Variants in IRF2BP1 observed in about 807,000 individuals in gnomAD.
IRF2BP1 encodes interferon regulatory factor 2 binding protein 1.
Under a neutral mutation model 38.6 loss-of-function variants are expected in IRF2BP1, and 9 were observed. The ratio of observed to expected loss-of-function variants is 0.23; its 90% CI spans 0.14 to 0.41. IRF2BP1 has a LOEUF of 0.41. IRF2BP1 is among the 10% of genes least tolerant of loss of function. IRF2BP1 has a pLI of 1.00. For synonymous variants in IRF2BP1, 416 were observed against 383.4 expected, an observed-to-expected ratio of 1.08 and a Z score of -0.99; for missense variants, 631 against 829.6, an observed-to-expected ratio of 0.76 and a Z score of 2.94.
rs1257726670 is a variant in IRF2BP1 at position 45,885,264 on chromosome 19, C to A, written c.511G>T (p.Val171Leu). 7 of 1,603,154 alleles carry A rather than the reference C, an allele frequency of 4.4e-6. No individual in the cohort carries two copies. The Middle Eastern group carries it at 4.9e-4, about 113-fold the overall frequency. Reference sequence around the variant, plus strand: ...AGGCCTCGGCTTCCCAGGCCAGACACTGCAGCTGCCAGCAGCCCAGGGGGC... The same window carrying A: ...AGGCCTCGGCTTCCCAGGCCAGACAATGCAGCTGCCAGCAGCCCAGGGGGC... ...LMPPGLLAAA[V>L]SGLGSRGLTL... Residue 171 changes from valine (V) to leucine (L), a missense_variant, in exon 1 of 1, where the codon GTG becomes TTG. Transcript: ENST00000302165.
In IRF2BP1 at chr19:45,884,452, G is replaced by T; in HGVS notation, c.1323C>A (p.Gly441=). 2 of 1,598,474 alleles carry T rather than the reference G, an allele frequency of 1.3e-6. No individual in the cohort carries two copies. The highest frequency in any genetic ancestry group is 1.7e-6 in the Non-Finnish European group (2 of 1,177,986). Residue 441 remains glycine, a synonymous_variant, in exon 1 of 1, where the codon GGC becomes GGA. Coordinates refer to ENST00000302165, the MANE Select transcript of IRF2BP1 (RefSeq NM_015649.3). Reference sequence around the variant, plus strand: ...CTGCACGCACAGGCCCCCCGCCTCCGCCAGGGTCCTTGGGTGAGTGGCCCA... The same window carrying T: ...CTGCACGCACAGGCCCCCCGCCTCCTCCAGGGTCCTTGGGTGAGTGGCCCA... ...EALGHSPKDP[G]GGGGPVRAGG...
chr19:45,884,077 G>T lies in IRF2BP1; in HGVS notation c.1698C>A (p.Gly566=). ...CTCCAGCAAGGATGGTGGCGATCTCGCCCTGCATGAAGGCCCAGGGCACGG... is the reference window on the plus strand; with the variant it reads ...CTCCAGCAAGGATGGTGGCGATCTCTCCCTGCATGAAGGCCCAGGGCACGG... The part of the protein sequence containing the change: ...GSSVPWAFMQ[G]EIATILAGDI... The change falls in exon 1 of 1, where the codon GGC becomes GGA. Residue 566 remains glycine (G), a synonymous_variant. Transcript: ENST00000302165. The T allele has an allele frequency of 6.2e-7, 1 of 1,609,154 alleles. No individual in the cohort carries two copies.
In IRF2BP1 at chr19:45,885,267, C is replaced by A. The variant is rs762217908; in HGVS notation, c.508G>T (p.Ala170Ser). The A allele has an allele frequency of 3.7e-6, 6 of 1,602,852 alleles. No homozygotes were observed. Among genetic ancestry groups the A allele is most frequent in the Admixed American group, 1.7e-5 (1 of 60,014 alleles). ...CCTCGGCTTCCCAGGCCAGACACTGCAGCTGCCAGCAGCCCAGGGGGCATC... is the reference window on the plus strand; with the variant it reads ...CCTCGGCTTCCCAGGCCAGACACTGAAGCTGCCAGCAGCCCAGGGGGCATC... ...GLMPPGLLAA[A>S]VSGLGSRGLT... is the part of the protein sequence containing the mutation. Residue 170 changes from alanine to serine, a missense_variant, in exon 1 of 1, where the codon GCA becomes TCA. Transcript: ENST00000302165.
rs748654735 is a variant in IRF2BP1, at chr19:45,885,396, C to A, written c.379G>T (p.Ala127Ser). The A allele has an allele frequency of 1.4e-5, 23 of 1,600,258 alleles. No homozygotes were observed. Among genetic ancestry groups the A allele is most frequent in the Admixed American group, 5.1e-5 (3 of 59,240 alleles). Residue 127 changes from alanine to serine, a missense_variant, in exon 1 of 1, where the codon GCC (alanine) becomes TCC (serine). Ala to Ser is a moderately conservative substitution (Grantham distance 99). Transcript: ENST00000302165. ...CGGGACCCCAGAGTGTACTCCAGGG[C>A]GGGCGAGGGCAGGGGGAGGCGGCCT... ...SSGRLPLPSP[A>S]LEYTLGSRLA...
rs1301429047 is a variant in IRF2BP1, at chr19:45,885,095, T to C, written c.680A>G (p.Lys227Arg). 1.9e-6 allele frequency: 3 copies of C among 1,612,116 alleles called. No individual in the cohort carries two copies. The highest frequency in any genetic ancestry group is 2.5e-6 in the Non-Finnish European group (3 of 1,180,024). Reference protein sequence around the residue: ...GRAEEWHGRPKAVREQLLALS... With the variant: ...GRAEEWHGRPRAVREQLLALS... ...CGCCAGTAGCTGTTCCCGCACTGCT[T>C]TGGGGCGCCCGTGCCATTCCTCTGC... Residue 227 changes from lysine (K) to arginine (R), a missense_variant, in exon 1 of 1, where the codon AAA becomes AGA. Lys to Arg is a conservative substitution (Grantham distance 26). Transcript: ENST00000302165.
At position 45,885,757 on chromosome 19, in the gene IRF2BP1, C is replaced by A. The variant is rs1000950546; in HGVS notation, c.18G>T (p.Ala6=). The part of the protein sequence containing the change: MASVQ[A]SRRQWCYLCD... ...ACAGGTAGCACCACTGGCGGCGGGA[C>A]GCCTGCACAGACGCCATGGCCCCAG... The change falls in exon 1 of 1, where the codon GCG becomes GCT. Residue 6 remains alanine (A), a synonymous_variant. Coordinates refer to ENST00000302165, the MANE Select transcript of IRF2BP1 (RefSeq NM_015649.3). The A allele has an allele frequency of 1.3e-6, 2 of 1,573,680 alleles. No homozygotes were observed. Among genetic ancestry groups the A allele is most frequent in the African/African-American group, 2.8e-5 (2 of 71,430 alleles).
Position 45,885,898 on chromosome 19 carries a change from C to T in IRF2BP1, c.-124G>A. 1 of 1,176,460 alleles carries T rather than the reference C, an allele frequency of 8.5e-7. No homozygotes were observed. Among genetic ancestry groups the T allele is most frequent in the Non-Finnish European group, 1.1e-6 (1 of 897,278 alleles). 72.9% of individuals were successfully genotyped at this position (1,176,460 alleles called of 1,614,324 possible). A position where few individuals can be genotyped will look rare whatever the true frequency, so the allele number is the denominator to read the frequency against. On this transcript the variant is annotated 5_prime_UTR_variant, in exon 1 of 1. Transcript: ENST00000302165. ...GCCACGGTCCGGCCTCCGGCTCGGC[C>T]TCCCCGCCGGATCCAGGCCCGGCCC... is the stretch of plus-strand genomic sequence containing the variant.
chr19:45,884,436 C>T lies in IRF2BP1; in HGVS notation c.1339G>A (p.Val447Met). Residue 447 changes from valine to methionine, a missense_variant, in exon 1 of 1, where the codon GTG becomes ATG. This residue lies in a region of IRF2BP1 where 201 missense variants were observed against 215.3 expected (regional missense o/e 0.93). Transcript: ENST00000302165. ...GCAGGGCTGGCGCCCCCTGCACGCA[C>T]AGGCCCCCCGCCTCCGCCAGGGTCC... ...PKDPGGGGGP[V>M]RAGGASPAAS... The T allele has an allele frequency of 1.9e-6, 3 of 1,596,816 alleles. No individual in the cohort carries two copies. Among genetic ancestry groups the T allele is most frequent in the Non-Finnish European group, 2.5e-6 (3 of 1,177,128 alleles).
chr19:45,884,339 G>A lies in IRF2BP1; in HGVS notation c.1436C>T (p.Pro479Leu), dbSNP rs766213998. Residue 479 changes from proline (P) to leucine (L), a missense_variant, in exon 1 of 1, where the codon CCC (proline) becomes CTC (leucine). Physicochemically the swap from Pro to Leu is moderately conservative, Grantham distance 98. Transcript: ENST00000302165. ...GCTGACAGCTTCGGCCCCCGCTGTGGGACTGACTTCTGCTTCGCCGTTGCG... is the reference window on the plus strand; with the variant it reads ...GCTGACAGCTTCGGCCCCCGCTGTGAGACTGACTTCTGCTTCGCCGTTGCG... ...VARNGEAEVSPTAGAEAVSGG... is the reference protein window; with the variant it reads ...VARNGEAEVSLTAGAEAVSGG... 6.2e-7 allele frequency: 1 copy of A among 1,609,682 alleles called. No homozygotes were observed. Among genetic ancestry groups the A allele is most frequent in the Non-Finnish European group, 8.5e-7 (1 of 1,179,262 alleles).
At position 45,885,810 on chromosome 19, in the gene IRF2BP1, C is replaced by T; in HGVS notation, c.-36G>A. 1 of 1,497,400 alleles carries T rather than the reference C, an allele frequency of 6.7e-7. No homozygotes were observed. The highest frequency in any genetic ancestry group is 8.8e-7 in the Non-Finnish European group (1 of 1,134,432). The allele number at this position is 1,497,400 out of a possible 1,614,324, so 92.8% of individuals were successfully genotyped here. On this transcript the variant is annotated 5_prime_UTR_variant, in exon 1 of 1. Transcript: ENST00000302165. ...CGCGCGCCGCCCAGCTCCCGCGTTCCACCGGCCGCCGACGTGCGATCCGCG... is the reference window on the plus strand; with the variant it reads ...CGCGCGCCGCCCAGCTCCCGCGTTCTACCGGCCGCCGACGTGCGATCCGCG...
In IRF2BP1 at chr19:45,883,994, G is replaced by A. The variant is rs900736325; in HGVS notation, c.*26C>T. ...AGCGGTGGGTGGCAAAGGGGCAGAG[G>A]GCAGTAGCCTGGAGGCAGTGGTAGC... On this transcript the variant is annotated 3_prime_UTR_variant, in exon 1 of 1. Transcript: ENST00000302165. 2.6e-6 allele frequency: 4 copies of A among 1,532,286 alleles called. No homozygotes were observed. Among genetic ancestry groups the A allele is most frequent in the Admixed American group, 2.0e-5 (1 of 49,572 alleles). The allele number at this position is 1,532,286 out of a possible 1,614,324, so 94.9% of individuals were successfully genotyped here. A position where few individuals can be genotyped will look rare whatever the true frequency, so the allele number is the denominator to read the frequency against.
chr19:45,885,745 C>T lies in IRF2BP1; in HGVS notation c.30G>A (p.Gln10=). The T allele has an allele frequency of 5.7e-6, 9 of 1,580,788 alleles. No homozygotes were observed. Among genetic ancestry groups the T allele is most frequent in the Non-Finnish European group, 7.7e-6 (9 of 1,172,364 alleles). Residue 10 remains glutamine, a synonymous_variant, in exon 1 of 1, where the codon CAG becomes CAA. Coordinates refer to ENST00000302165, the MANE Select transcript of IRF2BP1 (RefSeq NM_015649.3). MASVQASRR[Q]WCYLCDLPKM... ...TGGGCAGGTCGCACAGGTAGCACCA[C>T]TGGCGGCGGGACGCCTGCACAGACG...
chr19:45,883,654 C>T lies in IRF2BP1; in HGVS notation c.*366G>A, dbSNP rs1380677789. The T allele has an allele frequency of 1.5e-5, 1 of 67,352 alleles. No individual in the cohort carries two copies. The highest frequency in any genetic ancestry group is 2.6e-5 in the Non-Finnish European group (1 of 37,894). 4.2% of individuals were successfully genotyped at this position (67,352 alleles called of 1,614,324 possible). The stretch of plus-strand genomic sequence containing the variant: ...GGTTTATTGAAGGAGCAGAAGGGAG[C>T]GGGGGGTGGGGGGGTGGGAATTAAA... On this transcript the variant is annotated 3_prime_UTR_variant, in exon 1 of 1. Coordinates refer to ENST00000302165, the MANE Select transcript of IRF2BP1 (RefSeq NM_015649.3).
At position 45,885,852 on chromosome 19, in the gene IRF2BP1, C is replaced by T; in HGVS notation, c.-78G>A. The T allele has an allele frequency of 5.7e-6, 8 of 1,410,220 alleles. No individual in the cohort carries two copies. The highest frequency in any genetic ancestry group is 7.4e-6 in the Non-Finnish European group (8 of 1,085,468). The allele number at this position is 1,410,220 out of a possible 1,614,324, so 87.4% of individuals were successfully genotyped here. On this transcript the variant is annotated 5_prime_UTR_variant, in exon 1 of 1. Coordinates refer to ENST00000302165, the MANE Select transcript of IRF2BP1 (RefSeq NM_015649.3). ...CGATCCGCGCCGCCAACGTTCGATC[C>T]GCGTCCCGGGGACAGCGCGAGCCAC...
Position 45,884,549 on chromosome 19 carries a change from C to T in IRF2BP1, c.1226G>A (p.Gly409Asp). Residue 409 changes from glycine (G) to aspartate (D), a missense_variant, in exon 1 of 1, where the codon GGC becomes GAC. Physicochemically the swap from Gly to Asp is moderately conservative, Grantham distance 94 (BLOSUM62 -1). Transcript: ENST00000302165. Reference sequence around the variant, plus strand: ...AGGGGTCTCAGCGGAGTACGGGCCGCCGGGTGCCACCCAGTGCCGTTGCTG... The same window carrying T: ...AGGGGTCTCAGCGGAGTACGGGCCGTCGGGTGCCACCCAGTGCCGTTGCTG... ...EQQQRHWVAP[G>D]GPYSAETPGV... 1 of 1,599,666 alleles carries T rather than the reference C, an allele frequency of 6.3e-7. No homozygotes were observed. Among genetic ancestry groups the T allele is most frequent in the Non-Finnish European group, 8.5e-7 (1 of 1,179,468 alleles).
At position 45,884,534 on chromosome 19, in the gene IRF2BP1, G is replaced by A; in HGVS notation, c.1241C>T (p.Ala414Val). ...GGGCGAGGGCACACCAGGGGTCTCA[G>A]CGGAGTACGGGCCGCCGGGTGCCAC... ...HWVAPGGPYS[A>V]ETPGVPSPIA... Residue 414 changes from alanine to valine, a missense_variant, in exon 1 of 1, where the codon GCT becomes GTT. Ala to Val is a moderately conservative substitution (Grantham distance 64). This residue lies in a region of IRF2BP1 where 201 missense variants were observed against 215.3 expected (regional missense o/e 0.93). Transcript: ENST00000302165. The A allele has an allele frequency of 6.2e-7, 1 of 1,600,016 alleles. No individual in the cohort carries two copies.
rs1967051529 is a variant in IRF2BP1 at position 45,886,020 on chromosome 19, C to T, written c.-246G>A. On this transcript the variant is annotated 5_prime_UTR_variant, in exon 1 of 1. Transcript: ENST00000302165. The stretch of plus-strand genomic sequence containing the variant: ...CGTCGGCGCCCCCGCCCGGTCCGGG[C>T]TCCGAGCCGAGGCGCACAGCTCGGG... 2.8e-5 allele frequency: 12 copies of T among 423,386 alleles called. No homozygotes were observed. The East Asian group carries it at 5.0e-4, about 18-fold the overall frequency. 26.2% of individuals were successfully genotyped at this position (423,386 alleles called of 1,614,324 possible).
rs1319216953 is a variant in IRF2BP1, at chr19:45,885,431, G to A, written c.344C>T (p.Ala115Val). ...CAGGGGGAGGCGGCCTGATGATGTG[G>A]CCCTGTCATAGCGGTCCTGGCCCGA... ...GVSGQDRYDR[A>V]TSSGRLPLPS... The change falls in exon 1 of 1, where the codon GCC becomes GTC. Residue 115 changes from alanine (A) to valine (V), a missense_variant. By Grantham distance (64) the Ala-to-Val change is moderately conservative. This residue lies in a region of IRF2BP1 where 206 missense variants were observed against 207.0 expected (regional missense o/e 1.00). Coordinates refer to ENST00000302165, the MANE Select transcript of IRF2BP1 (RefSeq NM_015649.3). 4 of 1,565,154 alleles carry A rather than the reference G, an allele frequency of 2.6e-6. No individual in the cohort carries two copies. The highest frequency in any genetic ancestry group is 1.3e-5 in the African/African-American group (1 of 74,236).
In IRF2BP1 at chr19:45,885,047, T is replaced by C. The variant is rs989178603; in HGVS notation, c.728A>G (p.Asn243Ser). The C allele has an allele frequency of 1.2e-5, 20 of 1,613,046 alleles. No individual in the cohort carries two copies. Among genetic ancestry groups the C allele is most frequent in the Non-Finnish European group, 1.6e-5 (19 of 1,180,048 alleles). Residue 243 changes from asparagine to serine, a missense_variant, in exon 1 of 1, where the codon AAT becomes AGT. Around this residue, in one of 5 missense-constraint regions of IRF2BP1, gnomAD observed 133 missense variants for 232.2 expected, o/e 0.57. Transcript: ENST00000302165. ...LLALSACAPF[N>S]VRFKKDHGLV... Reference sequence around the variant, plus strand: ...CCCGTGATCCTTCTTGAAGCGCACATTGAACGGGGCGCAGGCGGACAGCGC... The same window carrying C: ...CCCGTGATCCTTCTTGAAGCGCACACTGAACGGGGCGCAGGCGGACAGCGC...
Sources: gnomAD v4.1 joint callset for allele counts on GRCh38, gnomAD v4.1.1 for gene constraint, gnomAD v4.1.1 regional missense constraint, MANE v1.5 for transcripts, NCBI Gene and HGNC (gene_info 2026-07-23, HGNC 2026-07-21) for gene names.